MED27: variants seen among roughly 807,000 people sequenced by gnomAD.
MED27 encodes mediator of RNA polymerase II transcription subunit 27.
A neutral mutation model predicts 38.2 loss-of-function variants in MED27; 30 were observed. The observed-to-expected ratio is 0.79, with a 90% CI of 0.59 to 1.07. The LOEUF is 1.07. MED27 is among the 50% of genes least tolerant of loss of function. MED27 has a pLI of 0.00. For synonymous variants in MED27, 122 were observed against 153.5 expected (o/e 0.79, Z 1.52); for missense variants, 289 against 397.5 (o/e 0.73, Z 2.32).
intron 2 of MED27, among the ~76,000 whole-genome samples, chr9:132,053,771 C>G (rs1163928996): frequency 3.3e-5 from 5 of 152,178 alleles, no homozygotes; most frequent in Admixed American, 3.3e-4. Flanking sequence ...CGAGCCTCTT[C>G]ACCAAATACA....
intron 3 of MED27, among the ~76,000 whole-genome samples, chr9:131,956,772 C>T (rs935946745): frequency 6.6e-6 from 1 of 151,676 alleles, no homozygotes; most frequent in Non-Finnish European, 1.5e-5. Context: ...CATTTGATCA[C>T]CTCAATAAAT....
At chr9:132,073,987 C>T (rs1564350875) in intron 2 of MED27, among the ~76,000 whole-genome samples, 1 of 152,170 alleles carries the variant, frequency 6.6e-6, no homozygotes, top group African/African-American at 2.4e-5. Flanking sequence ...TGCCAGAAAC[C>T]TTCAAAAGAG....
intron 3 of MED27, among the ~76,000 whole-genome samples, chr9:131,986,609 A>C (rs1238413448): frequency 6.6e-6 from 1 of 152,182 alleles, no homozygotes; most frequent in Non-Finnish European, 1.5e-5. Flanking sequence ...CATGCTGTAG[A>C]GGTTTGTAGC....
intron 3 of MED27, among the ~76,000 whole-genome samples, chr9:131,983,941 C>T (rs1365622904): frequency 9.2e-5 from 14 of 152,164 alleles, no homozygotes; most frequent in Admixed American, 9.2e-4. Context: ...TCATGCAGCT[C>T]CAACTGATCC....
chr9:131,949,799 C>G (rs1285027028), intron 3 of MED27, among the ~76,000 whole-genome samples: 3 of 152,118 alleles, frequency 2.0e-5, no homozygotes, highest in Non-Finnish European at 4.4e-5. Context: ...TTCTTCAAGG[C>G]AGAAGGCTTG....
intron 6 of MED27, among the ~76,000 whole-genome samples, chr9:131,873,625 G>C (rs528974422): frequency 6.6e-6 from 1 of 152,304 alleles, no homozygotes; most frequent in East Asian, 1.9e-4. Context: ...GGAGCCATTT[G>C]CATGGGCTCT....
rs1019280642 is a variant in MED27, at chr9:131,910,913, AC to A, written c.574-16922del. Among the ~76,000 whole-genome samples, 18 of 149,858 alleles carry A rather than the reference AC, an allele frequency of 1.2e-4. 1 individual carries two copies. Among genetic ancestry groups the A allele is most frequent in the South Asian group, 8.5e-4 (4 of 4,704 alleles). On this transcript the variant is annotated intron_variant, in intron 4 of 7. Transcript: ENST00000292035. ...GCAGACTTCCCATCTATCCCTCCCC[AC>A]CCCCCACAACCACCAGTTACCTCAT...
At chr9:132,008,218 T>C (rs191589840) in intron 3 of MED27, among the ~76,000 whole-genome samples, 1 of 152,284 alleles carries the variant, frequency 6.6e-6, no homozygotes, top group Admixed American at 6.5e-5. Flanking sequence ...CTATCTAAGA[T>C]AGAACACAGG....
intron 2 of MED27, among the ~76,000 whole-genome samples, chr9:132,072,048 ACAGG>A (rs1185831039): frequency 6.6e-6 from 1 of 152,208 alleles, no homozygotes; most frequent in African/African-American, 2.4e-5. Context: ...GAACGAGCAC[ACAGG>A]CACTTGCGTA....
chr9:131,989,664 G>A (rs561290621), intron 3 of MED27, among the ~76,000 whole-genome samples: 178 of 152,046 alleles, frequency 1.2e-3, no homozygotes, highest in African/African-American at 4.2e-3. Context: ...TTATGGAAAT[G>A]TTCGAACATA....
chr9:131,994,135 T>A (rs1832038886), intron 3 of MED27, among the ~76,000 whole-genome samples: 1 of 152,242 alleles, frequency 6.6e-6, no homozygotes, highest in Non-Finnish European at 1.5e-5. Context: ...AGTTTGGTGA[T>A]GTTTTGCTGT....
chr9:132,012,702 A>T (rs1262486514), intron 3 of MED27, among the ~76,000 whole-genome samples: 1 of 151,884 alleles, frequency 6.6e-6, no homozygotes, highest in Non-Finnish European at 1.5e-5. Context: ...CCCATACCTT[A>T]CCCCACTCTG....
At chr9:131,999,672 C>A (rs992298328) in intron 3 of MED27, among the ~76,000 whole-genome samples, 6 of 152,120 alleles carry the variant, frequency 3.9e-5, no homozygotes, top group African/African-American at 1.4e-4. Context: ...ATAACAATTA[C>A]AGATAAAGAA....
chr9:131,870,726 T>C (rs1286709757), intron 6 of MED27, among the ~76,000 whole-genome samples: 2 of 152,098 alleles, frequency 1.3e-5, no homozygotes, highest in Non-Finnish European at 2.9e-5. Flanking sequence ...CCTCAGCACT[T>C]TGAGGGTGGA....
Position 131,982,999 on chromosome 9 carries a change from G to A in MED27, c.479+31338C>T, listed in dbSNP as rs1261568776. Among the ~76,000 whole-genome samples the A allele has an allele frequency of 6.6e-6, 1 of 152,196 alleles. No individual in the cohort carries two copies. The highest frequency in any genetic ancestry group is 1.5e-5 in the Non-Finnish European group (1 of 68,022). Reference sequence around the variant, plus strand: ...TGTAGATTCGCATTCAGGAGGATCTGTGACTGAGTTTCAGCAAGTTCCCAG... The same window carrying A: ...TGTAGATTCGCATTCAGGAGGATCTATGACTGAGTTTCAGCAAGTTCCCAG... On this transcript the variant is annotated intron_variant, in intron 3 of 7. Coordinates refer to ENST00000292035, the MANE Select transcript of MED27 (RefSeq NM_004269.4). This position sits in a 1 kb window ranked among gnomAD's most constrained non-coding sequence, Gnocchi z 4.3.
intron 2 of MED27, among the ~76,000 whole-genome samples, chr9:132,071,684 G>A (rs1287955877): frequency 2.0e-5 from 3 of 150,340 alleles, no homozygotes; most frequent in African/African-American, 4.9e-5. Context: ...ATGAGCACAC[G>A]TGTATACGAG....
intron 3 of MED27, among the ~76,000 whole-genome samples, chr9:131,949,660 G>C (rs1830951218): frequency 6.6e-6 from 1 of 152,182 alleles, no homozygotes; most frequent in Non-Finnish European, 1.5e-5. Flanking sequence ...TAGTAGTGTA[G>C]TAACAAAATG....
chr9:131,930,032 C>CAGAGAGAGAGAG (rs112511169), intron 4 of MED27, among the ~76,000 whole-genome samples: 15 of 151,204 alleles, frequency 9.9e-5, no homozygotes, highest in African/African-American at 3.1e-4. Context: ...TGGCTTAGCA[C>CAGAGAGAGAGAG]AGAGAGAGAG....
intron 3 of MED27, among the ~76,000 whole-genome samples, chr9:131,943,173 A>G (rs1830817737): frequency 6.6e-6 from 1 of 152,216 alleles, no homozygotes; most frequent in South Asian, 2.1e-4. Flanking sequence ...GTATTTGCCA[A>G]AAGGGGAAAG....
Sources: gnomAD v4.1 joint callset for allele counts (sites outside exome capture counted in the v4.1 genomes callset) on GRCh38, gnomAD v4.1.1 for gene constraint, Gnocchi (gnomAD v3.1) non-coding constraint, MANE v1.5 for transcripts, NCBI Gene and HGNC (gene_info 2026-07-23, HGNC 2026-07-21) for gene names.